Variants in FER observed in about 807,000 individuals in gnomAD.
FER encodes the protein tyrosine-protein kinase Fer.
FER carries 63 observed loss-of-function variants against 111.0 expected under a neutral mutation model. The observed-to-expected ratio is 0.57, with a 90% CI of 0.46 to 0.70. The LOEUF (loss-of-function observed/expected upper bound fraction) is 0.70, where lower values mean the gene tolerates loss of function less well. FER is among the 30% of genes least tolerant of loss of function. The pLI, the probability that FER is intolerant of heterozygous loss-of-function variation, is 0.00. For synonymous variants in FER, 327 were observed against 313.9 expected (o/e 1.04, Z -0.44); for missense variants, 914 against 954.0 (o/e 0.96, Z 0.55).
intron 17 of FER, among the ~76,000 whole-genome samples, chr5:109,157,730 A>C (rs996717507): frequency 1.3e-5 from 2 of 152,146 alleles, no homozygotes; most frequent in African/African-American, 4.8e-5. Flanking sequence ...TCTCTGATAC[A>C]AATTTAGTTT....
At chr5:108,833,506 T>C (rs1329395944) in intron 4 of FER, among the ~76,000 whole-genome samples, 5 of 149,982 alleles carry the variant, frequency 3.3e-5, no homozygotes, top group African/African-American at 1.2e-4. Context: ...TTTTTTTACA[T>C]TGGATCATTT....
At chr5:108,932,659 G>C (rs560454971) in intron 10 of FER, among the ~76,000 whole-genome samples, 1 of 152,134 alleles carries the variant, frequency 6.6e-6, no homozygotes, top group South Asian at 2.1e-4. Context: ...ACGTGTTCCT[G>C]TTTCTCTACA....
intron 13 of FER, among the ~76,000 whole-genome samples, chr5:108,983,250 C>A (rs1331057187): frequency 6.6e-6 from 1 of 151,990 alleles, no homozygotes; most frequent in Admixed American, 6.6e-5. Context: ...GAATTACTAG[C>A]ACAAAATTAC....
intron 13 of FER, among the ~76,000 whole-genome samples, chr5:109,006,374 C>T (rs369118694): frequency 3.3e-5 from 5 of 152,112 alleles, no homozygotes; most frequent in Admixed American, 6.6e-5. Context: ...GAGAGCTGGT[C>T]GTTTTATAAA....
chr5:108,996,374 C>T (rs544180478), intron 13 of FER, among the ~76,000 whole-genome samples: 2 of 152,246 alleles, frequency 1.3e-5, no homozygotes, highest in Non-Finnish European at 2.9e-5. Flanking sequence ...AGGTTTTCTT[C>T]TAGGGTTTTT....
intron 10 of FER, among the ~76,000 whole-genome samples, chr5:108,903,935 C>T (rs891768676): frequency 1.3e-5 from 2 of 152,176 alleles, no homozygotes; most frequent in African/African-American, 2.4e-5. Context: ...CAAATAAAAA[C>T]ACAAGTGTAA....
intron 1 of FER, among the ~76,000 whole-genome samples, chr5:108,762,912 C>T (rs1751921551): frequency 6.6e-6 from 1 of 152,198 alleles, no homozygotes; most frequent in Non-Finnish European, 1.5e-5. Flanking sequence ...AGTCTTTAAT[C>T]ACTCAACATA....
intron 10 of FER, among the ~76,000 whole-genome samples, chr5:108,919,072 C>T (rs1752661732): frequency 6.6e-6 from 1 of 152,096 alleles, no homozygotes; most frequent in Non-Finnish European, 1.5e-5. Context: ...TTATAACTCC[C>T]ACAAGTTATT....
intron 17 of FER, among the ~76,000 whole-genome samples, chr5:109,121,745 G>A (rs6883122): frequency 0.018 from 2,791 of 152,006 alleles, 78 homozygotes; most frequent in African/African-American, 0.063. Flanking sequence ...TTTGCTGGGC[G>A]ATTTTTTATA....
At chr5:109,157,378 C>G (rs1171452876) in intron 17 of FER, among the ~76,000 whole-genome samples, 1 of 152,138 alleles carries the variant, frequency 6.6e-6, no homozygotes, top group African/African-American at 2.4e-5. Flanking sequence ...AAAATTTCCA[C>G]TGTTCTAAAT....
intron 17 of FER, among the ~76,000 whole-genome samples, chr5:109,163,326 T>C (rs780681653): frequency 6.6e-6 from 1 of 152,170 alleles, no homozygotes; most frequent in Non-Finnish European, 1.5e-5. Context: ...TTTAGGGCCA[T>C]TATGAAGAAA....
intron 17 of FER, among the ~76,000 whole-genome samples, chr5:109,126,831 A>T (rs1157859895): frequency 6.6e-6 from 1 of 152,228 alleles, no homozygotes; most frequent in African/African-American, 2.4e-5. Context: ...CAAACAAGGT[A>T]AAGTGTAAAG....
chr5:109,124,332 G>A (rs77182178), intron 17 of FER, among the ~76,000 whole-genome samples: 9,242 of 152,272 alleles, frequency 0.061, 408 homozygotes, highest in Non-Finnish European at 0.089. Flanking sequence ...TAAATGCTGT[G>A]GGAAATTATT....
At position 109,050,751 on chromosome 5, in the gene FER, A is replaced by G. The variant is rs186905802; in HGVS notation, c.1924+3553A>G. On this transcript the variant is annotated intron_variant, in intron 16 of 19. Coordinates refer to ENST00000281092, the MANE Select transcript of FER (RefSeq NM_005246.4). The stretch of plus-strand genomic sequence containing the variant: ...TTAAACTGATACCAAGAATAAAAAA[A>G]TATAGTAGCACAAGTCCATTGACAC... Among the ~76,000 whole-genome samples the G allele has an allele frequency of 8.0e-3, 1,218 of 152,310 alleles. 9 individuals are homozygous for G. The highest frequency in any genetic ancestry group is 0.028 in the African/African-American group (1,162 of 41,568).
intron 5 of FER, among the ~76,000 whole-genome samples, chr5:108,860,011 G>A (rs1763361131): frequency 1.3e-5 from 2 of 150,868 alleles, no homozygotes; most frequent in East Asian, 1.9e-4. Flanking sequence ...GTGCGATCTC[G>A]GCTCACTGCA....
At chr5:108,858,912 T>G (rs1028967270) in intron 5 of FER, among the ~76,000 whole-genome samples, 1 of 152,072 alleles carries the variant, frequency 6.6e-6, no homozygotes, top group Non-Finnish European at 1.5e-5. Flanking sequence ...TCTAATTATA[T>G]GTACTCCTAC....
chr5:109,076,914 A>G (rs1270756152), intron 16 of FER, among the ~76,000 whole-genome samples: 3 of 152,200 alleles, frequency 2.0e-5, no homozygotes, highest in East Asian at 3.8e-4. Flanking sequence ...GGTTATTTTC[A>G]TGCCGTCATT....
chr5:108,965,559 A>G (rs1759698664), intron 13 of FER, among the ~76,000 whole-genome samples: 1 of 152,176 alleles, frequency 6.6e-6, no homozygotes. Flanking sequence ...TTTGATTATT[A>G]ATATTATCCC....
intron 17 of FER, among the ~76,000 whole-genome samples, chr5:109,135,651 C>T (rs1335402293): frequency 3.9e-5 from 6 of 152,250 alleles, no homozygotes; most frequent in African/African-American, 1.4e-4. Context: ...CCAAAACTCT[C>T]TAAAAACAAG....
Sources: allele counts gnomAD v4.1 joint callset (sites outside exome capture counted in the v4.1 genomes callset), GRCh38; gene constraint gnomAD v4.1.1; transcripts MANE v1.5; gene names NCBI Gene and HGNC (gene_info 2026-07-23, HGNC 2026-07-21).